The following COL4A6 variants were observed in gnomAD, a reference collection of about 807,000 sequenced individuals.
COL4A6 encodes the protein collagen type IV alpha 6 chain.
In COL4A6, 59 loss-of-function variants were observed where a neutral mutation model predicts 126.7. The observed-to-expected ratio is 0.47, with a 90% CI of 0.38 to 0.58. The LOEUF is 0.58. COL4A6 is among the 20% of genes least tolerant of loss of function. The pLI is 0.00. For synonymous variants in COL4A6, 547 were observed against 496.6 expected, an observed-to-expected ratio of 1.10 and a Z score of -1.35; for missense variants, 1,285 against 1,337.3, an observed-to-expected ratio of 0.96 and a Z score of 0.61.
chrX:108,162,438 G>A (rs1193026798), intron 41 of COL4A6, among the ~76,000 whole-genome samples: 1 of 98,015 alleles, frequency 1.0e-5, no homozygotes, highest in African/African-American at 3.7e-5. Context: ...GGAGGAGGAA[G>A]AGGAAGACGA....
intron 3 of COL4A6, among the ~76,000 whole-genome samples, chrX:108,284,879 A>G (rs1312622247): frequency 2.7e-5 from 3 of 112,172 alleles, no homozygotes; most frequent in Non-Finnish European, 5.6e-5. Flanking sequence ...TTTACTTCTT[A>G]CTTTCACCTG....
chrX:108,274,953 C>T (rs1035354350), intron 3 of COL4A6, among the ~76,000 whole-genome samples: 2 of 111,315 alleles, frequency 1.8e-5, no homozygotes, highest in Non-Finnish European at 3.8e-5. Context: ...CCCACCCACA[C>T]TCAAGAGGAG....
chrX:108,380,262 C>T (rs776675703), intron 2 of COL4A6, among the ~76,000 whole-genome samples: 1 of 112,187 alleles, frequency 8.9e-6, no homozygotes, highest in Non-Finnish European at 1.9e-5. Flanking sequence ...ATAAATTGTC[C>T]TCTACAGCTT....
intron 2 of COL4A6, among the ~76,000 whole-genome samples, chrX:108,351,418 A>T (rs2039838749): frequency 9.3e-6 from 1 of 107,761 alleles, no homozygotes; most frequent in Non-Finnish European, 1.9e-5. Context: ...AAACAGTATT[A>T]AAAAAGGAGG....
chrX:108,203,659 A>C (rs1180264426), intron 12 of COL4A6, among the ~76,000 whole-genome samples: 3 of 112,832 alleles, frequency 2.7e-5, no homozygotes, highest in African/African-American at 9.7e-5. Context: ...CCCTGGCAGG[A>C]AATGCAAGTT....
chrX:108,386,931 T>C, intron 2 of COL4A6, among the ~76,000 whole-genome samples: 1 of 112,166 alleles, frequency 8.9e-6, no homozygotes, highest in Non-Finnish European at 1.9e-5. Flanking sequence ...GCTCTCTGCA[T>C]ATGGCTAGAC....
At chrX:108,307,128 A>G (rs190784151) in intron 3 of COL4A6, among the ~76,000 whole-genome samples, 1 of 111,247 alleles carries the variant, frequency 9.0e-6, no homozygotes, top group East Asian at 2.8e-4. Flanking sequence ...ATACCAGGGA[A>G]GAGAACAACC....
At position 108,266,011 on chromosome X, in the gene COL4A6, A is replaced by C. The variant is rs187917116; in HGVS notation, c.145-44637T>G. Among the ~76,000 whole-genome samples the C allele has an allele frequency of 4.1e-4, 46 of 112,208 alleles. 1 individual carries two copies. The highest frequency in any genetic ancestry group is 1.5e-3 in the African/African-American group (45 of 30,972). On this transcript the variant is annotated intron_variant, in intron 3 of 44. Transcript: ENST00000334504. ...ATGTACTATAGAGGCAAAGGTGAGCAGCTAGGGCTGGGGAGGGCATCCTTG... is the reference window on the plus strand; with the variant it reads ...ATGTACTATAGAGGCAAAGGTGAGCCGCTAGGGCTGGGGAGGGCATCCTTG...
chrX:108,240,987 G>A (rs913016050), intron 3 of COL4A6, among the ~76,000 whole-genome samples: 4 of 110,941 alleles, frequency 3.6e-5, no homozygotes, highest in African/African-American at 1.3e-4. Context: ...GTAATAACTG[G>A]GTGGGGGCAT....
intron 2 of COL4A6, among the ~76,000 whole-genome samples, chrX:108,405,201 GT>G (rs962511261): frequency 2.9e-4 from 30 of 103,752 alleles, no homozygotes; most frequent in Admixed American, 1.6e-3. Context: ...TTTTGTTTTT[GT>G]TTTTTTTTTT....
chrX:108,255,031 A>G (rs2036957654), intron 3 of COL4A6, among the ~76,000 whole-genome samples: 1 of 108,999 alleles, frequency 9.2e-6, no homozygotes, highest in African/African-American at 3.3e-5. Context: ...AACTCTGCCC[A>G]AGTTTTGTAT....
chrX:108,353,586 G>A (rs748234185), intron 2 of COL4A6, among the ~76,000 whole-genome samples: 3 of 111,760 alleles, frequency 2.7e-5, no homozygotes, highest in Non-Finnish European at 3.8e-5. Context: ...ATTAGCTAGA[G>A]ATTATAGGGT....
At chrX:108,241,572 TA>T (rs2036574677) in intron 3 of COL4A6, among the ~76,000 whole-genome samples, 1 of 103,355 alleles carries the variant, frequency 9.7e-6, no homozygotes, top group African/African-American at 3.6e-5. Context: ...TATATATATA[TA>T]GCCCTGAACA....
intron 3 of COL4A6, among the ~76,000 whole-genome samples, chrX:108,290,973 C>T (rs138107303): frequency 2.6e-4 from 29 of 112,152 alleles, no homozygotes; most frequent in African/African-American, 9.4e-4. Flanking sequence ...CTGGGGTGAC[C>T]AATTCATTCC....
intron 30 of COL4A6, among the ~76,000 whole-genome samples, 168 bp from the exon 31 acceptor site, chrX:108,174,789 A>C (rs961688199): frequency 4.5e-5 from 5 of 110,005 alleles, no homozygotes; most frequent in Non-Finnish European, 7.7e-5. Context: ...GGGCATCGAC[A>C]GAGTTGCTTC....
At chrX:108,256,881 A>ATT (rs1254451022) in intron 3 of COL4A6, among the ~76,000 whole-genome samples, 1 of 111,820 alleles carries the variant, frequency 8.9e-6, no homozygotes, top group Admixed American at 9.5e-5. Flanking sequence ...GAGGAAAATA[A>ATT]TTTGGATGTC....
At chrX:108,227,558 G>T (rs1286038535) in intron 3 of COL4A6, among the ~76,000 whole-genome samples, 1 of 110,326 alleles carries the variant, frequency 9.1e-6, no homozygotes. Context: ...GGGCAGGGTG[G>T]GGGGGCTTTC....
chrX:108,407,831 G>T (rs2041236018), intron 2 of COL4A6, among the ~76,000 whole-genome samples: 1 of 112,515 alleles, frequency 8.9e-6, no homozygotes. Flanking sequence ...GGATTCTGCT[G>T]CTGATGGTGG....
intron 2 of COL4A6, among the ~76,000 whole-genome samples, chrX:108,335,677 T>C (rs1183841212): frequency 2.7e-5 from 3 of 110,629 alleles, no homozygotes; most frequent in Non-Finnish European, 5.7e-5. Context: ...AATTTGGGGG[T>C]TAAGAAATGA....
Sources: allele counts gnomAD v4.1 joint callset (sites outside exome capture counted in the v4.1 genomes callset), GRCh38; gene constraint gnomAD v4.1.1; transcripts MANE v1.5; gene names NCBI Gene and HGNC (gene_info 2026-07-23, HGNC 2026-07-21).